COL27A1: variants seen among roughly 807,000 people sequenced by gnomAD.
COL27A1 encodes the protein collagen alpha-1(XXVII) chain.
In COL27A1, 106 loss-of-function variants were observed where a neutral mutation model predicts 251.3. That is an observed-to-expected ratio of 0.42 (90% CI 0.36 to 0.50). The LOEUF (loss-of-function observed/expected upper bound fraction) is 0.50. COL27A1 is among the 20% of genes least tolerant of loss of function. The pLI is 0.00. For synonymous variants in COL27A1, 1,000 were observed against 986.3 expected, an observed-to-expected ratio of 1.01 and a Z score of -0.26; for missense variants, 2,325 against 2,522.8, an observed-to-expected ratio of 0.92 and a Z score of 1.68.
intron 8 of COL27A1, 51 bp downstream of exon 8, chr9:114,205,197 C>T: frequency 6.5e-7 from 1 of 1,545,670 alleles, no homozygotes; most frequent in Non-Finnish European, 8.9e-7. Flanking sequence ...TCCTCCCAGC[C>T]CCTACCTGTC....
intron 27 of COL27A1, among the ~76,000 whole-genome samples, chr9:114,254,617 T>C (rs577241001): frequency 6.6e-5 from 10 of 152,132 alleles, no homozygotes; most frequent in African/African-American, 2.2e-4. Flanking sequence ...TGCCTGGGTG[T>C]CTCCAAAGTC....
chr9:114,236,198 G>A (rs1173971678), intron 17 of COL27A1, among the ~76,000 whole-genome samples: 1 of 152,040 alleles, frequency 6.6e-6, no homozygotes, highest in Non-Finnish European at 1.5e-5. Context: ...TCAGAAAGTG[G>A]CCATTTCCCT....
chr9:114,270,739 C>A lies in COL27A1; in HGVS notation c.3567C>A (p.Gly1189=), dbSNP rs781010065. 6.2e-7 allele frequency: 1 copy of A among 1,612,718 alleles called. No homozygotes were observed. The highest frequency in any genetic ancestry group is 8.5e-7 in the Non-Finnish European group (1 of 1,179,170). Residue 1189 remains glycine, a synonymous_variant, in exon 36 of 61, where the codon GGC becomes GGA. Transcript: ENST00000356083. Reference sequence around the variant, plus strand: ...ATCACCTTTTCCAGGGAGAGCCAGGCCTTGAGGGTGACAGTGGCCCCATGG... The same window carrying A: ...ATCACCTTTTCCAGGGAGAGCCAGGACTTGAGGGTGACAGTGGCCCCATGG... The part of the protein sequence containing the change: ...QGLIGQRGEP[G]LEGDSGPMGP...
Position 114,222,282 on chromosome 9 carries a change from G to T in COL27A1, c.2466+15G>T, listed in dbSNP as rs72762630. The T allele has an allele frequency of 5.8e-3, 9,369 of 1,611,048 alleles. 44 individuals carry two copies. Among genetic ancestry groups the T allele is most frequent in the Non-Finnish European group, 7.2e-3 (8,422 of 1,177,660 alleles). ...CCGGCCTCATTGTAAGTACATTGAT[G>T]CCTGGGGCAGCAGGTGGGTGTTGAG... On this transcript the variant is annotated intron_variant, in intron 14 of 60. Coordinates refer to ENST00000356083, the MANE Select transcript of COL27A1 (RefSeq NM_032888.4).
chr9:114,240,558 T>C, intron 21 of COL27A1, 71 bp downstream of exon 21: 1 of 1,444,510 alleles, frequency 6.9e-7, no homozygotes, highest in Middle Eastern at 2.2e-4. Context: ...CTGTCCTGGG[T>C]ACTGAAGGCC....
intron 44 of COL27A1, 76 bp from the exon 45 acceptor site, chr9:114,289,166 C>G: frequency 7.0e-7 from 1 of 1,434,942 alleles, no homozygotes; most frequent in Non-Finnish European, 9.5e-7. Flanking sequence ...ACCCCTCCCC[C>G]TCCAGGCGGA....
intron 7 of COL27A1, among the ~76,000 whole-genome samples, chr9:114,204,730 T>C (rs1351722015): frequency 6.6e-6 from 1 of 152,116 alleles, no homozygotes; most frequent in African/African-American, 2.4e-5. Context: ...AGTTTACTCC[T>C]CCATTGACAA....
rs1309092971 is a variant in COL27A1, at chr9:114,208,975, G to A, written c.2269-700G>A. Among the ~76,000 whole-genome samples the A allele has an allele frequency of 3.9e-5, 6 of 152,178 alleles. No homozygotes were observed. The South Asian group carries it at 6.2e-4, about 16-fold the overall frequency. On this transcript the variant is annotated intron_variant, in intron 10 of 60. Coordinates refer to ENST00000356083, the MANE Select transcript of COL27A1 (RefSeq NM_032888.4). ...TAGGGAAGAGCCCCAGAATGGTGAC[G>A]AGCCCCAGCTGTGGAGTCAGCTGGC... is the stretch of plus-strand genomic sequence containing the variant.
At chr9:114,258,855 T>C (rs1834125408) in intron 28 of COL27A1, among the ~76,000 whole-genome samples, 1 of 152,256 alleles carries the variant, frequency 6.6e-6, no homozygotes, top group South Asian at 2.1e-4. Flanking sequence ...TGTTCATTCA[T>C]TTATTCAACC....
Position 114,232,654 on chromosome 9 carries a change from G to A in COL27A1, c.2565+788G>A, listed in dbSNP as rs146020268. On this transcript the variant is annotated intron_variant, in intron 16 of 60. Coordinates refer to ENST00000356083, the MANE Select transcript of COL27A1 (RefSeq NM_032888.4). ...GCCCCTCATGTGGTCAGGTGACACC[G>A]CACCTGTCTCTAGGTGCCTCTGCTT... Among the ~76,000 whole-genome samples the A allele has an allele frequency of 1.4e-4, 22 of 152,342 alleles. No individual in the cohort carries two copies. The East Asian group carries it at 3.7e-3, about 25-fold the overall frequency.
chr9:114,248,056 C>G (rs1289168250), intron 24 of COL27A1, among the ~76,000 whole-genome samples: 1 of 151,954 alleles, frequency 6.6e-6, no homozygotes, highest in Non-Finnish European at 1.5e-5. Flanking sequence ...GAAACTGAGG[C>G]TCTGGGAAGT....
At chr9:114,251,788 C>T (rs530180123) in intron 25 of COL27A1, among the ~76,000 whole-genome samples, 1 of 152,358 alleles carries the variant, frequency 6.6e-6, no homozygotes, top group Non-Finnish European at 1.5e-5. Context: ...AGAGGGACTT[C>T]CCGAGGGAAG....
chr9:114,195,932 C>T (rs529300012), intron 6 of COL27A1, 27 bp from the exon 7 acceptor site: 7 of 1,588,312 alleles, frequency 4.4e-6, no homozygotes, highest in African/African-American at 4.0e-5. Flanking sequence ...GTTTTCCTGC[C>T]TCACCCACCT....
intron 2 of COL27A1, among the ~76,000 whole-genome samples, chr9:114,166,398 C>CCATCCGTCCATCTAT (rs1347413059): frequency 6.9e-6 from 1 of 144,504 alleles, no homozygotes; most frequent in Non-Finnish European, 1.5e-5. Context: ...CATCCATCCA[C>CCATCCGTCCATCTAT]CCACCCACCT....
chr9:114,305,201 C>T (rs1025016530), intron 57 of COL27A1, among the ~76,000 whole-genome samples: 2 of 152,184 alleles, frequency 1.3e-5, no homozygotes, highest in African/African-American at 4.8e-5. Flanking sequence ...GAACTTACTG[C>T]CCCCAGCTCA....
At chr9:114,232,461 A>G (rs557309197) in intron 16 of COL27A1, among the ~76,000 whole-genome samples, 1 of 152,338 alleles carries the variant, frequency 6.6e-6, no homozygotes, top group East Asian at 1.9e-4. Flanking sequence ...CAGCATCTGA[A>G]TACGAGAGAC....
At chr9:114,206,372 G>A (rs1829968139) in intron 10 of COL27A1, 76 bp downstream of exon 10, 1 of 1,466,040 alleles carries the variant, frequency 6.8e-7, no homozygotes, top group East Asian at 2.3e-5. Context: ...GGGCTTGATG[G>A]GAGGTCAGAG....
chr9:114,207,433 C>T (rs369826053), intron 10 of COL27A1, among the ~76,000 whole-genome samples: 1 of 152,286 alleles, frequency 6.6e-6, no homozygotes, highest in East Asian at 1.9e-4. Context: ...CCAGAGGGAC[C>T]CCCTAAACCC....
chr9:114,167,991 G>A lies in COL27A1; in HGVS notation c.436G>A (p.Ala146Thr), dbSNP rs762524310. 2 of 1,604,906 alleles carry A rather than the reference G, an allele frequency of 1.2e-6. No individual in the cohort carries two copies. Among genetic ancestry groups the A allele is most frequent in the South Asian group, 1.1e-5 (1 of 91,070 alleles). ...CCACCTCGGGTCCCGGCGCTCAGTG[G>A]CCTTCGACCTCGACATGCACGACGG... ...VVHLGSRRSV[A>T]FDLDMHDGRW... The change falls in exon 3 of 61, where the codon GCC becomes ACC. Residue 146 changes from alanine to threonine, a missense_variant. Physicochemically the swap from Ala to Thr is moderately conservative, Grantham distance 58. Transcript: ENST00000356083.
Sources: gnomAD v4.1 joint callset for allele counts (sites outside exome capture counted in the v4.1 genomes callset) on GRCh38, gnomAD v4.1.1 for gene constraint, MANE v1.5 for transcripts, NCBI Gene and HGNC (gene_info 2026-07-23, HGNC 2026-07-21) for gene names.